Variants in RAB9B observed in about 807,000 individuals in gnomAD.
The protein encoded by RAB9B is ras-related protein Rab-9B.
Under a neutral mutation model 8.9 loss-of-function variants are expected in RAB9B, and 1 was observed. The ratio of observed to expected loss-of-function variants is 0.11; its 90% CI spans 0.04 to 0.53. The LOEUF (loss-of-function observed/expected upper bound fraction) is 0.53. RAB9B is among the 20% of genes least tolerant of loss of function. RAB9B has a pLI of 0.93. For missense variants in RAB9B, 82 were observed against 152.9 expected (o/e 0.54, Z 2.45); for synonymous variants, 63 against 57.0 (o/e 1.10, Z -0.47).
the RAB9B span, chrX:103,786,594 C>A: frequency 8.3e-7 from 1 of 1,211,692 alleles, no homozygotes; most frequent in Non-Finnish European, 1.1e-6. Context: ...ACAAGACCAC[C>A]ATCTGCGGCA....
At chrX:103,804,184 G>A in the RAB9B span, among the ~76,000 whole-genome samples, 1 of 111,772 alleles carries the variant, frequency 8.9e-6, no homozygotes, top group African/African-American at 3.2e-5. Flanking sequence ...TATACTGTGA[G>A]GCAGGAGTCC....
the RAB9B span, among the ~76,000 whole-genome samples, chrX:103,796,559 A>C: frequency 1.8e-5 from 2 of 111,133 alleles, no homozygotes; most frequent in African/African-American, 6.6e-5. Context: ...CACTTTATCA[A>C]GCACTGTATC....
chrX:103,789,609 T>C, the RAB9B span, among the ~76,000 whole-genome samples: 1 of 111,838 alleles, frequency 8.9e-6, no homozygotes, highest in South Asian at 3.8e-4. Flanking sequence ...AGAAAAGTGG[T>C]ATGAGGAAAG....
At chrX:103,809,056 T>A in the RAB9B span, among the ~76,000 whole-genome samples, 5 of 112,302 alleles carry the variant, frequency 4.5e-5, no homozygotes, top group Non-Finnish European at 7.5e-5. Context: ...GAAGGGGATC[T>A]TTGGGAGGTA....
the RAB9B span, among the ~76,000 whole-genome samples, chrX:103,812,044 A>G: frequency 9.2e-6 from 1 of 109,117 alleles, no homozygotes; most frequent in Non-Finnish European, 1.9e-5. Context: ...CCCAGGCTGG[A>G]GTGCAGTGGC....
downstream of RAB9B, among the ~76,000 whole-genome samples, chrX:103,821,599 C>T (rs1028042481): frequency 2.1e-4 from 23 of 111,967 alleles, no homozygotes; most frequent in African/African-American, 7.1e-4. Flanking sequence ...GGCAAGAGAA[C>T]AGAATATTTA....
At chrX:103,798,223 T>C in the RAB9B span, among the ~76,000 whole-genome samples, 2 of 112,283 alleles carry the variant, frequency 1.8e-5, no homozygotes, top group Non-Finnish European at 3.8e-5. Context: ...AATATACACA[T>C]TACAAAGCAT....
At chrX:103,782,207 G>A in the RAB9B span, among the ~76,000 whole-genome samples, 1 of 112,202 alleles carries the variant, frequency 8.9e-6, no homozygotes, top group Non-Finnish European at 1.9e-5. Context: ...GTTGTGAAGA[G>A]ATGAACATCT....
At chrX:103,812,756 C>G in the RAB9B span, among the ~76,000 whole-genome samples, 1 of 110,867 alleles carries the variant, frequency 9.0e-6, no homozygotes, top group Non-Finnish European at 1.9e-5. Flanking sequence ...GCCCCTTCCA[C>G]TGTCTGATGC....
chrX:103,814,819 A>C, the RAB9B span, among the ~76,000 whole-genome samples: 1 of 112,264 alleles, frequency 8.9e-6, no homozygotes, highest in Non-Finnish European at 1.9e-5. Context: ...CTCTATGCAA[A>C]TTAACTAGAA....
chrX:103,801,566 ATTG>A, the RAB9B span, among the ~76,000 whole-genome samples: 1 of 112,007 alleles, frequency 8.9e-6, no homozygotes, highest in Non-Finnish European at 1.9e-5. Flanking sequence ...ATGTACCAGC[ATTG>A]TTGTTTGTAC....
the RAB9B span, chrX:103,786,278 AC>A: frequency 1.2e-4 from 134 of 1,092,326 alleles, no homozygotes; most frequent in Non-Finnish European, 1.6e-4. Flanking sequence ...GGTCACATAC[AC>A]CCTGTCTTCA....
chrX:103,786,613 A>G, the RAB9B span: 3 of 1,211,548 alleles, frequency 2.5e-6, no homozygotes, highest in Admixed American at 6.5e-5. Flanking sequence ...CAAGGGCCTG[A>G]GCGCAACGGT....
the RAB9B span, chrX:103,787,634 C>G: frequency 2.0e-6 from 1 of 511,116 alleles, no homozygotes; most frequent in Non-Finnish European, 3.5e-6. Context: ...TAGATACTGC[C>G]AATTACCCTT....
the RAB9B span, among the ~76,000 whole-genome samples, chrX:103,811,951 A>C: frequency 4.6e-5 from 5 of 108,918 alleles, no homozygotes; most frequent in South Asian, 2.1e-3. Context: ...TCAAAGCAGA[A>C]AAAGAGAGAG....
downstream of RAB9B, among the ~76,000 whole-genome samples, chrX:103,820,981 CAT>C (rs35541183): frequency 0.18 from 3,165 of 18,000 alleles, 195 homozygotes; most frequent in African/African-American, 0.3. Flanking sequence ...CACACACACA[CAT>C]ACACACACAC....
the RAB9B span, among the ~76,000 whole-genome samples, chrX:103,789,675 T>A: frequency 8.9e-6 from 1 of 112,191 alleles, no homozygotes; most frequent in Admixed American, 9.4e-5. Context: ...GAACATGTAA[T>A]GTTGCCAAGT....
the RAB9B span, chrX:103,787,594 C>T: frequency 2.2e-6 from 1 of 456,785 alleles, no homozygotes; most frequent in Non-Finnish European, 3.9e-6. Flanking sequence ...ATTCCCCCCA[C>T]CCTCCGTTAT....
At chrX:103,815,874 A>G in the RAB9B span, among the ~76,000 whole-genome samples, 1 of 111,692 alleles carries the variant, frequency 9.0e-6, no homozygotes, top group Non-Finnish European at 1.9e-5. Flanking sequence ...TACAACTTAC[A>G]CAGGATGTGA....
Sources: gnomAD v4.1 joint callset for allele counts (sites outside exome capture counted in the v4.1 genomes callset) on GRCh38, gnomAD v4.1.1 for gene constraint, MANE v1.5 for transcripts, NCBI Gene and HGNC (gene_info 2026-07-23, HGNC 2026-07-21) for gene names.